The following IGF2BP2 variants were observed in gnomAD, a reference collection of about 807,000 sequenced individuals.
IGF2BP2 encodes insulin like growth factor 2 mRNA binding protein 2.
In IGF2BP2, 17 loss-of-function variants were observed where a neutral mutation model predicts 75.8. The ratio of observed to expected loss-of-function variants is 0.22; its 90% CI spans 0.15 to 0.34. The LOEUF is 0.34. Ranked by LOEUF, IGF2BP2 falls within the 10% of genes least tolerant of loss-of-function variation. IGF2BP2 has a pLI of 1.00. For synonymous variants in IGF2BP2, 288 were observed against 295.6 expected (o/e 0.97, Z 0.26); for missense variants, 516 against 772.4 (o/e 0.67, Z 3.93).
At chr3:185,729,026 A>G (rs1255279988) in intron 2 of IGF2BP2, among the ~76,000 whole-genome samples, 2 of 152,152 alleles carry the variant, frequency 1.3e-5, no homozygotes, top group Non-Finnish European at 2.9e-5. Flanking sequence ...TCGTACGCTC[A>G]CTGTTGTGTA....
rs75340574 is a variant in IGF2BP2, at chr3:185,781,382, G to A, written c.239+41771C>T. On this transcript the variant is annotated intron_variant, in intron 2 of 15. Transcript: ENST00000382199. ...AAGGAAGAATCTAGTTGTCTGTCCC[G>A]AATAATAGGCTGAAAAATTCCATTT... 9.1e-4 allele frequency among the ~76,000 whole-genome samples: 138 copies of A among 152,178 alleles called. No homozygotes were observed. The East Asian group carries it at 0.015, about 17-fold the overall frequency.
chr3:185,772,487 C>G (rs1233433000), intron 2 of IGF2BP2, among the ~76,000 whole-genome samples: 2 of 151,970 alleles, frequency 1.3e-5, no homozygotes, highest in East Asian at 1.9e-4. Flanking sequence ...AGTACTACAA[C>G]GGCTGTACAT....
Position 185,645,182 on chromosome 3 carries a change from T to C in IGF2BP2, c.*349A>G, listed in dbSNP as rs2149016610. On this transcript the variant is annotated 3_prime_UTR_variant, in exon 16 of 16. Transcript: ENST00000382199. This position sits in a 1 kb window ranked among gnomAD's most constrained non-coding sequence, Gnocchi z 4.9. The stretch of plus-strand genomic sequence containing the variant: ...CACAGAAAAAGGGTGTGCATTTTGC[T>C]TGGCTTTGAACACGTTCACCTATGT... The C allele has an allele frequency of 3.5e-6, 1 of 285,850 alleles. No individual in the cohort carries two copies. Among genetic ancestry groups the C allele is most frequent in the Non-Finnish European group, 6.6e-6 (1 of 150,454 alleles). The allele number at this position is 285,850 out of a possible 1,614,324, so 17.7% of individuals were successfully genotyped here.
intron 2 of IGF2BP2, among the ~76,000 whole-genome samples, chr3:185,712,065 A>G (rs1339230275): frequency 6.6e-6 from 1 of 152,246 alleles, no homozygotes; most frequent in Non-Finnish European, 1.5e-5. Context: ...ACCTGGAGCC[A>G]GCACTGAATC....
intron 7 of IGF2BP2, among the ~76,000 whole-genome samples, chr3:185,685,617 T>G (rs1040731748): frequency 6.6e-6 from 1 of 152,204 alleles, no homozygotes; most frequent in African/African-American, 2.4e-5. Context: ...CTGCCACCGC[T>G]ACCCACAAAC....
chr3:185,671,076 C>T (rs912206183), intron 10 of IGF2BP2, among the ~76,000 whole-genome samples: 2 of 152,160 alleles, frequency 1.3e-5, no homozygotes, highest in African/African-American at 4.8e-5. Flanking sequence ...AGCAAAAATA[C>T]AGAGATGTGA....
chr3:185,714,076 T>C (rs1391108470), intron 2 of IGF2BP2, among the ~76,000 whole-genome samples: 1 of 152,208 alleles, frequency 6.6e-6, no homozygotes, highest in Non-Finnish European at 1.5e-5. Context: ...CTTCTACATC[T>C]ATACTTCAGT....
intron 2 of IGF2BP2, among the ~76,000 whole-genome samples, chr3:185,751,735 C>T (rs527777777): frequency 3.9e-5 from 6 of 152,106 alleles, no homozygotes; most frequent in South Asian, 4.2e-4. Context: ...GAGGCCGAGA[C>T]GGGCGGATCA....
chr3:185,773,326 T>C (rs562721822), intron 2 of IGF2BP2, among the ~76,000 whole-genome samples: 4 of 152,230 alleles, frequency 2.6e-5, no homozygotes, highest in African/African-American at 4.8e-5. Context: ...CTATAGACTA[T>C]AGAACTTGAG....
chr3:185,742,682 CA>C (rs1381035933), intron 2 of IGF2BP2, among the ~76,000 whole-genome samples: 1 of 151,900 alleles, frequency 6.6e-6, no homozygotes, highest in African/African-American at 2.4e-5. Context: ...AAAAGTGAAA[CA>C]AAAACAGCTG....
At chr3:185,733,263 C>T (rs1270139472) in intron 2 of IGF2BP2, among the ~76,000 whole-genome samples, 2 of 152,204 alleles carry the variant, frequency 1.3e-5, no homozygotes, top group African/African-American at 2.4e-5. Context: ...AATCCATTTC[C>T]GTATATTTCA....
intron 2 of IGF2BP2, among the ~76,000 whole-genome samples, chr3:185,727,523 G>C (rs1238658315): frequency 6.6e-6 from 1 of 152,186 alleles, no homozygotes; most frequent in South Asian, 2.1e-4. Context: ...AACACCTCAG[G>C]GGGCCCCAGA....
intron 2 of IGF2BP2, chr3:185,716,877 G>A (rs1437516533): frequency 3.8e-5 from 18 of 479,364 alleles, no homozygotes; most frequent in Non-Finnish European, 5.8e-5. Context: ...TGGCTTGTTC[G>A]TGGAATTTAT....
At chr3:185,783,562 C>A (rs1225604188) in intron 2 of IGF2BP2, among the ~76,000 whole-genome samples, 1 of 152,206 alleles carries the variant, frequency 6.6e-6, no homozygotes, top group Non-Finnish European at 1.5e-5. Context: ...AAGGTCATTG[C>A]CTCTGTACCT....
intron 2 of IGF2BP2, among the ~76,000 whole-genome samples, chr3:185,741,644 A>G (rs958929766): frequency 1.3e-5 from 2 of 152,212 alleles, no homozygotes; most frequent in African/African-American, 4.8e-5. Context: ...AAAGCCATGG[A>G]AAGGGTGACA....
In IGF2BP2 at chr3:185,763,681, A is replaced by C. The variant is rs554614157; in HGVS notation, c.239+59472T>G. Among the ~76,000 whole-genome samples, 99 of 152,372 alleles carry C rather than the reference A, an allele frequency of 6.5e-4. 3 individuals carry two copies. The South Asian group carries it at 0.02, about 32-fold the overall frequency. On this transcript the variant is annotated intron_variant, in intron 2 of 15. Coordinates refer to ENST00000382199, the MANE Select transcript of IGF2BP2 (RefSeq NM_006548.6). ...AAATAACACCACCATATAGAATATA[A>C]AATCTGTAACAGACAGCCAAGGTAT...
At chr3:185,755,343 G>A (rs1046079699) in intron 2 of IGF2BP2, among the ~76,000 whole-genome samples, 2 of 152,202 alleles carry the variant, frequency 1.3e-5, no homozygotes, top group African/African-American at 4.8e-5. Flanking sequence ...AAGCTTACAG[G>A]CACAGAGAGT....
intron 2 of IGF2BP2, among the ~76,000 whole-genome samples, chr3:185,702,992 A>T (rs1723523012): frequency 1.3e-5 from 2 of 152,226 alleles, no homozygotes; most frequent in Non-Finnish European, 1.5e-5. Flanking sequence ...GGAAGTTAGA[A>T]CTTCCCACTC....
chr3:185,666,712 T>C (rs1217114638), intron 10 of IGF2BP2, among the ~76,000 whole-genome samples: 1 of 152,054 alleles, frequency 6.6e-6, no homozygotes, highest in African/African-American at 2.4e-5. Context: ...AAGGCAATAA[T>C]AGTCTGTTTT....
Sources: allele counts gnomAD v4.1 joint callset (sites outside exome capture counted in the v4.1 genomes callset), GRCh38; gene constraint gnomAD v4.1.1; non-coding constraint Gnocchi (gnomAD v3.1); transcripts MANE v1.5; gene names NCBI Gene and HGNC (gene_info 2026-07-23, HGNC 2026-07-21).